The following CYP7B1 variants were observed in gnomAD, a reference collection of about 807,000 sequenced individuals.
CYP7B1 encodes cytochrome P450 7B1.
Under a neutral mutation model 42.7 loss-of-function variants are expected in CYP7B1, and 29 were observed. That is an observed-to-expected ratio of 0.68 (90% CI 0.51 to 0.93). CYP7B1 has a LOEUF of 0.93. Ranked by LOEUF, CYP7B1 falls within the 40% of genes least tolerant of loss-of-function variation. CYP7B1 has a pLI of 0.00. For synonymous variants in CYP7B1, 235 were observed against 218.2 expected, an observed-to-expected ratio of 1.08 and a Z score of -0.68; for missense variants, 655 against 600.5, an observed-to-expected ratio of 1.09 and a Z score of -0.95.
chr8:64,596,459 T>C lies in CYP7B1; in HGVS notation c.*183A>G, dbSNP rs766229976. On this transcript the variant is annotated 3_prime_UTR_variant, in exon 6 of 6. Transcript: ENST00000310193. The stretch of plus-strand genomic sequence containing the variant: ...TTTGATGTCCATTTTCCTGCCACCA[T>C]CCTGTTTTATATTATGATGGGCTTT... 1 of 590,832 alleles carries C rather than the reference T, an allele frequency of 1.7e-6. No homozygotes were observed. The highest frequency in any genetic ancestry group is 2.8e-6 in the Non-Finnish European group (1 of 352,134). The allele number at this position is 590,832 out of a possible 1,614,324, so 36.6% of individuals were successfully genotyped here.
At chr8:64,655,136 A>G (rs1483749417) in intron 1 of CYP7B1, among the ~76,000 whole-genome samples, 2 of 152,242 alleles carry the variant, frequency 1.3e-5, no homozygotes, top group Admixed American at 6.5e-5. Flanking sequence ...CAAAGATACC[A>G]AAAGCAATCA....
chr8:64,604,618 G>C (rs1206964059), intron 5 of CYP7B1, 64 bp downstream of exon 5: 1 of 1,588,622 alleles, frequency 6.3e-7, no homozygotes, highest in African/African-American at 1.3e-5. Context: ...AAGAGATAGG[G>C]ATGGAAGAGG....
chr8:64,674,545 A>G (rs1448834709), intron 1 of CYP7B1, among the ~76,000 whole-genome samples: 1 of 152,168 alleles, frequency 6.6e-6, no homozygotes, highest in African/African-American at 2.4e-5. Context: ...GATGGCAATA[A>G]GGGGTAGCAT....
intron 1 of CYP7B1, among the ~76,000 whole-genome samples, chr8:64,644,966 T>A (rs764191436): frequency 1.3e-4 from 19 of 148,248 alleles, no homozygotes; most frequent in Non-Finnish European, 1.0e-4. Context: ...TGTGTCCATG[T>A]GTTCTCCTTG....
rs1281699549 is a variant in CYP7B1 at position 64,596,393 on chromosome 8, A to C, written c.*249T>G. 2.6e-6 allele frequency: 1 copy of C among 378,564 alleles called. No individual in the cohort carries two copies. The highest frequency in any genetic ancestry group is 4.8e-6 in the Non-Finnish European group (1 of 207,318). The allele number at this position is 378,564 out of a possible 1,614,324, so 23.5% of individuals were successfully genotyped here. A position where few individuals can be genotyped will look rare whatever the true frequency, so the allele number is the denominator to read the frequency against. Reference sequence around the variant, plus strand: ...AAATCACAACAAGGAGAAACTAAAAAAACAACAACAACCCTGTTTTGAGCC... The same window carrying C: ...AAATCACAACAAGGAGAAACTAAAACAACAACAACAACCCTGTTTTGAGCC... On this transcript the variant is annotated 3_prime_UTR_variant, in exon 6 of 6. Transcript: ENST00000310193.
At chr8:64,735,995 C>A (rs1807481750) in intron 1 of CYP7B1, among the ~76,000 whole-genome samples, 1 of 152,156 alleles carries the variant, frequency 6.6e-6, no homozygotes, top group Non-Finnish European at 1.5e-5. Context: ...TTCACCCATG[C>A]CCTAAGTATT....
intron 1 of CYP7B1, among the ~76,000 whole-genome samples, chr8:64,664,728 A>C (rs1430229272): frequency 2.0e-5 from 3 of 152,230 alleles, no homozygotes; most frequent in African/African-American, 7.2e-5. Context: ...TGATGAGGAC[A>C]GGGCCGTGAG....
downstream of CYP7B1, among the ~76,000 whole-genome samples, chr8:64,587,227 T>C (rs1159309320): frequency 1.3e-5 from 2 of 152,014 alleles, no homozygotes; most frequent in South Asian, 2.1e-4. Context: ...GCGCTGTTTT[T>C]GCTTGCGCAG....
intron 1 of CYP7B1, among the ~76,000 whole-genome samples, 196 bp downstream of exon 1, chr8:64,798,270 A>AAT (rs1804737666): frequency 6.6e-6 from 1 of 152,198 alleles, no homozygotes; most frequent in African/African-American, 2.4e-5. Flanking sequence ...CCAAAGCTTT[A>AAT]ATATGTACGC....
At chr8:64,700,035 T>C (rs1158079112) in intron 1 of CYP7B1, among the ~76,000 whole-genome samples, 4 of 152,074 alleles carry the variant, frequency 2.6e-5, no homozygotes, top group African/African-American at 9.7e-5. Flanking sequence ...CTGAGATAAA[T>C]AGGATAAGTG....
chr8:64,628,028 G>C (rs543347074), intron 1 of CYP7B1, among the ~76,000 whole-genome samples: 41 of 152,296 alleles, frequency 2.7e-4, no homozygotes, highest in African/African-American at 9.9e-4. Context: ...TAGGGATATA[G>C]GATGCTTGTT....
intron 1 of CYP7B1, among the ~76,000 whole-genome samples, chr8:64,686,022 C>A (rs1275862124): frequency 1.0e-5 from 1 of 96,622 alleles, no homozygotes; most frequent in Non-Finnish European, 2.2e-5. Context: ...CCCCTCAGCC[C>A]GGCCAGCCAC....
chr8:64,632,852 T>C (rs924903771), intron 1 of CYP7B1, among the ~76,000 whole-genome samples: 2 of 150,688 alleles, frequency 1.3e-5, no homozygotes, highest in Non-Finnish European at 3.0e-5. Context: ...TGCAGTAAGA[T>C]AGAAAATGAA....
Position 64,630,449 on chromosome 8 carries a change from G to C in CYP7B1, c.123-5910C>G, listed in dbSNP as rs182543894. ...TGGTTTATCATTCAGACTGAGATAA[G>C]AGTATTTGAAAGTAGCTGACATACA... is the stretch of plus-strand genomic sequence containing the variant. On this transcript the variant is annotated intron_variant, in intron 1 of 5. Coordinates refer to ENST00000310193, the MANE Select transcript of CYP7B1 (RefSeq NM_004820.5). Among the ~76,000 whole-genome samples the C allele has an allele frequency of 4.6e-5, 7 of 152,342 alleles. No homozygotes were observed. In the East Asian group the frequency reaches 1.4e-3, roughly 29 times the overall value.
intron 5 of CYP7B1, among the ~76,000 whole-genome samples, chr8:64,602,914 T>C (rs1805223630): frequency 6.6e-6 from 1 of 152,208 alleles, no homozygotes; most frequent in Non-Finnish European, 1.5e-5. Context: ...CCAAATTCTA[T>C]AAAACTGGTT....
chr8:64,780,321 GTGCCAGATACTA>G (rs1163483306), intron 1 of CYP7B1, among the ~76,000 whole-genome samples: 4 of 152,052 alleles, frequency 2.6e-5, no homozygotes, highest in Admixed American at 2.6e-4. Flanking sequence ...AATCTACTCA[GTGCCAGATACTA>G]TGCTAGGTGC....
chr8:64,621,558 C>T (rs1313401170), intron 2 of CYP7B1, among the ~76,000 whole-genome samples: 2 of 152,132 alleles, frequency 1.3e-5, no homozygotes, highest in African/African-American at 2.4e-5. Flanking sequence ...TTTCAAACAA[C>T]ATGGTGCATT....
At chr8:64,700,339 T>C (rs997759170) in intron 1 of CYP7B1, among the ~76,000 whole-genome samples, 1 of 152,088 alleles carries the variant, frequency 6.6e-6, no homozygotes. Flanking sequence ...ACTAATTCAC[T>C]GCACTTGTCC....
At chr8:64,773,339 T>C (rs548479504) in intron 1 of CYP7B1, among the ~76,000 whole-genome samples, 2 of 152,322 alleles carry the variant, frequency 1.3e-5, no homozygotes, top group African/African-American at 4.8e-5. Context: ...ATAGGGCAAA[T>C]AGCTGCAAAC....
Sources: gnomAD v4.1 joint callset for allele counts (sites outside exome capture counted in the v4.1 genomes callset) on GRCh38, gnomAD v4.1.1 for gene constraint, MANE v1.5 for transcripts, NCBI Gene and HGNC (gene_info 2026-07-23, HGNC 2026-07-21) for gene names.